FBXW2: variants seen among roughly 807,000 people sequenced by gnomAD.
FBXW2 encodes the protein F-box/WD repeat-containing protein 2.
FBXW2 carries 12 observed loss-of-function variants against 46.0 expected under a neutral mutation model. The ratio of observed to expected loss-of-function variants is 0.26; its 90% CI spans 0.17 to 0.42. The LOEUF (loss-of-function observed/expected upper bound fraction) is 0.42. Among genes scored for constraint, FBXW2 ranks in the 10% least tolerant of loss-of-function variants. FBXW2 has a pLI of 1.00. For missense variants in FBXW2, 360 were observed against 537.0 expected (o/e 0.67, Z 3.26); for synonymous variants, 203 against 209.6 (o/e 0.97, Z 0.27).
At chr9:120,780,432 T>G (rs145035696) in intron 3 of FBXW2, among the ~76,000 whole-genome samples, 431 of 152,292 alleles carry the variant, frequency 2.8e-3, no homozygotes, top group African/African-American at 9.8e-3. Flanking sequence ...CATTTGAACA[T>G]GTAATCAATA....
chr9:120,787,008 A>C (rs962023779), intron 3 of FBXW2, among the ~76,000 whole-genome samples: 1 of 152,184 alleles, frequency 6.6e-6, no homozygotes, highest in African/African-American at 2.4e-5. Context: ...AGAGCAAGGA[A>C]GAAATATCTC....
At chr9:120,765,812 AAAC>A (rs1309717680) in intron 7 of FBXW2, among the ~76,000 whole-genome samples, 2 of 152,202 alleles carry the variant, frequency 1.3e-5, no homozygotes, top group Non-Finnish European at 2.9e-5. Context: ...ACTAGGGAAG[AAAC>A]AACTAGGGGA....
At chr9:120,779,152 C>A (rs1331934028) in intron 3 of FBXW2, among the ~76,000 whole-genome samples, 1 of 152,164 alleles carries the variant, frequency 6.6e-6, no homozygotes, top group African/African-American at 2.4e-5. Context: ...CACAACTCAA[C>A]AAAAAGTTTG....
At chr9:120,778,606 T>A in intron 3 of FBXW2, 61 bp from the exon 4 acceptor site, 1 of 1,420,228 alleles carries the variant, frequency 7.0e-7, no homozygotes, top group Middle Eastern at 1.8e-4. Context: ...GGAAAATCAA[T>A]CCCAAAATCA....
At chr9:120,773,203 A>AT (rs1491380431) in intron 5 of FBXW2, among the ~76,000 whole-genome samples, 1 of 151,140 alleles carries the variant, frequency 6.6e-6, no homozygotes, top group Admixed American at 6.6e-5. Context: ...AAAAAAAAAA[A>AT]CAGTCTAAAC....
At chr9:120,786,203 A>C (rs1333764240) in intron 3 of FBXW2, among the ~76,000 whole-genome samples, 3 of 152,154 alleles carry the variant, frequency 2.0e-5, no homozygotes, top group Non-Finnish European at 4.4e-5. Flanking sequence ...CCTCACCCAA[A>C]CCTCATCCTG....
rs768123112 is a variant in FBXW2, at chr9:120,771,326, G to GTT, written c.1076+21_1076+22insAA. 1.5e-5 allele frequency: 24 copies of GTT among 1,594,620 alleles called. 1 individual carries two copies. The South Asian group carries it at 2.7e-4, about 18-fold the overall frequency. Reference sequence around the variant, plus strand: ...TGCAGCAGGCTTTCAAAGGTAAAGCGTGAGGTCGAAGGAAACATTACCTGA... The same window carrying GTT: ...TGCAGCAGGCTTTCAAAGGTAAAGCGTTTGAGGTCGAAGGAAACATTACCTGA... On this transcript the variant is annotated intron_variant, in intron 7 of 7. Coordinates refer to ENST00000608872, the MANE Select transcript of FBXW2 (RefSeq NM_012164.4).
chr9:120,773,319 C>G (rs1418284459), intron 5 of FBXW2, among the ~76,000 whole-genome samples: 2 of 152,020 alleles, frequency 1.3e-5, no homozygotes, highest in African/African-American at 2.4e-5. Flanking sequence ...GAAAAAAGCC[C>G]GTAGACACTG....
rs2044200337 is a variant in FBXW2 at position 120,761,803 on chromosome 9, C to G, written c.*2756G>C. The stretch of plus-strand genomic sequence containing the variant: ...CTCCAGCCTGTATGACAGAGCAAGA[C>G]TGCCTAGGAAAAAAAAAAAATTCCA... On this transcript the variant is annotated 3_prime_UTR_variant, in exon 8 of 8. Transcript: ENST00000608872. 1 of 151,846 alleles carries G rather than the reference C, an allele frequency of 6.6e-6. No individual in the cohort carries two copies. The highest frequency in any genetic ancestry group is 6.6e-5 in the Admixed American group (1 of 15,258). The allele number at this position is 151,846 out of a possible 1,614,324, so 9.4% of individuals were successfully genotyped here.
chr9:120,772,107 T>C (rs2044389659), intron 6 of FBXW2, among the ~76,000 whole-genome samples: 1 of 140,980 alleles, frequency 7.1e-6, no homozygotes, highest in African/African-American at 2.7e-5. Context: ...AATGTGAGAG[T>C]ACTTTGTGAA....
chr9:120,773,469 A>G (rs2044423871), intron 5 of FBXW2, among the ~76,000 whole-genome samples: 1 of 152,242 alleles, frequency 6.6e-6, no homozygotes, highest in African/African-American at 2.4e-5. Context: ...CTTGATCTTT[A>G]AAACAGGAGA....
intron 3 of FBXW2, 45 bp downstream of exon 3, chr9:120,787,724 T>C (rs763562539): frequency 1.0e-5 from 16 of 1,558,660 alleles, no homozygotes; most frequent in African/African-American, 1.4e-5. Context: ...TTACACCCTA[T>C]GAAATACAAA....
At chr9:120,774,353 A>G (rs904429857) in intron 5 of FBXW2, among the ~76,000 whole-genome samples, 5 of 151,862 alleles carry the variant, frequency 3.3e-5, no homozygotes, top group Admixed American at 6.6e-5. Flanking sequence ...AAAAAAAAAA[A>G]AAAAAGAAAT....
At chr9:120,785,768 G>A (rs951786754) in intron 3 of FBXW2, among the ~76,000 whole-genome samples, 5 of 152,100 alleles carry the variant, frequency 3.3e-5, no homozygotes, top group South Asian at 2.1e-4. Context: ...GGTGGCTCAC[G>A]CCTGTAATCC....
intron 3 of FBXW2, among the ~76,000 whole-genome samples, chr9:120,780,066 A>C (rs1045307699): frequency 1.3e-5 from 2 of 151,080 alleles, no homozygotes; most frequent in African/African-American, 2.4e-5. Flanking sequence ...TGAGCTGGGG[A>C]GGCAGAGGTT....
chr9:120,775,070 T>TTC (rs905313385), intron 5 of FBXW2, among the ~76,000 whole-genome samples: 2 of 152,202 alleles, frequency 1.3e-5, no homozygotes, highest in African/African-American at 4.8e-5. Flanking sequence ...ATACTTTTTT[T>TTC]TTTTTTTGAA....
chr9:120,770,375 C>CA (rs1196542430), intron 7 of FBXW2, among the ~76,000 whole-genome samples: 2,139 of 64,140 alleles, frequency 0.033, 55 homozygotes, highest in East Asian at 0.23. Context: ...GACTCCATCT[C>CA]AAAAAAAAAA....
At chr9:120,781,704 G>A (rs1320676281) in intron 3 of FBXW2, among the ~76,000 whole-genome samples, 1 of 147,412 alleles carries the variant, frequency 6.8e-6, no homozygotes, top group African/African-American at 2.5e-5. Flanking sequence ...ATACATACAT[G>A]GAATGGAGTT....
intron 3 of FBXW2, among the ~76,000 whole-genome samples, chr9:120,787,499 A>T (rs2044747802): frequency 6.6e-6 from 1 of 152,220 alleles, no homozygotes; most frequent in African/African-American, 2.4e-5. Context: ...GAGGAAACAC[A>T]AAGAAAAAGT....
Sources: allele counts gnomAD v4.1 joint callset (sites outside exome capture counted in the v4.1 genomes callset), GRCh38; gene constraint gnomAD v4.1.1; transcripts MANE v1.5; gene names NCBI Gene and HGNC (gene_info 2026-07-23, HGNC 2026-07-21).